Variants in NRIP1 observed in about 807,000 individuals in gnomAD.
The protein encoded by NRIP1 is nuclear receptor interacting protein 1.
NRIP1 carries 28 observed loss-of-function variants against 75.0 expected under a neutral mutation model. That is an observed-to-expected ratio of 0.37 (90% CI 0.28 to 0.51). NRIP1 has a LOEUF of 0.51. NRIP1 is among the 20% of genes least tolerant of loss of function. NRIP1 has a pLI of 0.92. For missense variants in NRIP1, 1,435 were observed against 1,343.7 expected (o/e 1.07, Z -1.06); for synonymous variants, 526 against 487.6 (o/e 1.08, Z -1.04).
rs543616249 is a variant in NRIP1 at position 15,016,872 on chromosome 21, G to A, written c.-457-2406C>T. Among the ~76,000 whole-genome samples, 11 of 151,328 alleles carry A rather than the reference G, an allele frequency of 7.3e-5. 1 individual carries two copies. The South Asian group carries it at 1.1e-3, about 14-fold the overall frequency. On this transcript the variant is annotated intron_variant, in intron 2 of 3. Coordinates refer to ENST00000318948, the MANE Select transcript of NRIP1 (RefSeq NM_003489.4). ...TGCACTCCAGCCTGGGCGACAGAGC[G>A]AGACTCCGTCAAAGAAAGAAAGAAG...
chr21:15,007,106 C>T (rs377201051), intron 3 of NRIP1, among the ~76,000 whole-genome samples: 6 of 152,272 alleles, frequency 3.9e-5, no homozygotes, highest in African/African-American at 1.4e-4. Flanking sequence ...GGAAATGCAA[C>T]TGGGACCAAG....
intron 1 of NRIP1, among the ~76,000 whole-genome samples, chr21:15,046,914 C>T (rs1009976267): frequency 6.6e-6 from 1 of 152,166 alleles, no homozygotes; most frequent in Admixed American, 6.5e-5. Flanking sequence ...CATCTCCTCT[C>T]GGCCTTTGTG....
Position 14,967,821 on chromosome 21 carries a change from A to C in NRIP1, c.372T>G (p.Pro124=). 2 of 1,614,038 alleles carry C rather than the reference A, an allele frequency of 1.2e-6. No individual in the cohort carries two copies. The highest frequency in any genetic ancestry group is 1.7e-6 in the Non-Finnish European group (2 of 1,180,004). Residue 124 remains proline, a synonymous_variant, in exon 4 of 4, where the codon CCT becomes CCG. Coordinates refer to ENST00000318948, the MANE Select transcript of NRIP1 (RefSeq NM_003489.4). ...ALLAGMVDSV[P]KGKQDSTLLA... The stretch of plus-strand genomic sequence containing the variant: ...GTAATGTGCTATCCTGTTTGCCTTT[A>C]GGCACACTGTCAACCATGCCAGCTA...
At chr21:14,995,821 C>T (rs2087706842) in intron 3 of NRIP1, among the ~76,000 whole-genome samples, 1 of 151,968 alleles carries the variant, frequency 6.6e-6, no homozygotes, top group Non-Finnish European at 1.5e-5. Context: ...TGGCCCTCCT[C>T]CAACACATTT....
In NRIP1 at chr21:14,964,267, G is replaced by GT. The variant is rs61601138; in HGVS notation, c.*448dup. 0.077 allele frequency: 11,661 copies of GT among 150,740 alleles called. 631 individuals are homozygous for GT. The highest frequency in any genetic ancestry group is 0.2 in the East Asian group (1,019 of 5,124). 9.3% of individuals were successfully genotyped at this position (150,740 alleles called of 1,614,324 possible). A position where few individuals can be genotyped will look rare whatever the true frequency, so the allele number is the denominator to read the frequency against. On this transcript the variant is annotated 3_prime_UTR_variant, in exon 4 of 4. Coordinates refer to ENST00000318948, the MANE Select transcript of NRIP1 (RefSeq NM_003489.4). ...ATAATAAGCTGTGAATCAGCACTAG[G>GT]TTTTTTTTTATTGGATAATTATCCT...
intron 2 of NRIP1, among the ~76,000 whole-genome samples, chr21:15,017,679 A>T (rs1199749032): frequency 6.6e-6 from 1 of 152,192 alleles, no homozygotes; most frequent in Non-Finnish European, 1.5e-5. Flanking sequence ...CAGGGCCTTG[A>T]CAGTTCTCTG....
intron 3 of NRIP1, among the ~76,000 whole-genome samples, chr21:15,008,175 A>G (rs1353669702): frequency 6.6e-6 from 1 of 152,156 alleles, no homozygotes; most frequent in East Asian, 1.9e-4. Context: ...ACAGAACAGG[A>G]GTCACCAGGG....
chr21:14,981,043 G>A lies in NRIP1; in HGVS notation c.-334-12517C>T, dbSNP rs576342056. Among the ~76,000 whole-genome samples the A allele has an allele frequency of 5.9e-5, 9 of 152,282 alleles. No individual in the cohort carries two copies. In the South Asian group the frequency reaches 1.9e-3, roughly 32 times the overall value. Reference sequence around the variant, plus strand: ...AAATATCACTACAGACACAATTCATGAGCACCCAGACATGGTGGTGATACC... The same window carrying A: ...AAATATCACTACAGACACAATTCATAAGCACCCAGACATGGTGGTGATACC... On this transcript the variant is annotated intron_variant, in intron 3 of 3. Transcript: ENST00000318948.
At chr21:14,994,069 C>T (rs1286424842) in intron 3 of NRIP1, among the ~76,000 whole-genome samples, 1 of 152,060 alleles carries the variant, frequency 6.6e-6, no homozygotes, top group Non-Finnish European at 1.5e-5. Context: ...CGTATTGATT[C>T]CTCTATCCTA....
intron 2 of NRIP1, among the ~76,000 whole-genome samples, chr21:15,036,965 C>T (rs1217265114): frequency 1.3e-5 from 2 of 152,172 alleles, no homozygotes; most frequent in South Asian, 2.1e-4. Context: ...TCACCAAAAG[C>T]GTTTGTACTT....
intron 3 of NRIP1, among the ~76,000 whole-genome samples, chr21:14,972,848 A>G (rs2086939697): frequency 6.6e-6 from 1 of 152,132 alleles, no homozygotes. Flanking sequence ...TCGCACTTCT[A>G]TGAGAATCTA....
chr21:14,985,688 T>C (rs2087379869), intron 3 of NRIP1, among the ~76,000 whole-genome samples: 1 of 152,196 alleles, frequency 6.6e-6, no homozygotes, highest in Admixed American at 6.6e-5. Flanking sequence ...ATTTGGTTTC[T>C]TTTAGTTGCT....
rs2228508 is a variant in NRIP1, at chr21:14,965,340, C to A, written c.2853G>T (p.Pro951=). 3 of 1,613,908 alleles carry A rather than the reference C, an allele frequency of 1.9e-6. No homozygotes were observed. Among genetic ancestry groups the A allele is most frequent in the East Asian group, 2.2e-5 (1 of 44,876 alleles). The change falls in exon 4 of 4, where the codon CCG becomes CCT. Residue 951 remains proline, a synonymous_variant. Transcript: ENST00000318948. Reference sequence around the variant, plus strand: ...TGTCAGCCACAGAGTTACTTCTGTGCGGGGACAAATCTCGCACACAGTTTT... The same window carrying A: ...TGTCAGCCACAGAGTTACTTCTGTGAGGGGACAAATCTCGCACACAGTTTT... ...LSENCVRDLS[P]HRSNSVADSK...
chr21:14,987,248 C>T (rs892533073), intron 3 of NRIP1, among the ~76,000 whole-genome samples: 1 of 152,198 alleles, frequency 6.6e-6, no homozygotes, highest in Admixed American at 6.6e-5. Flanking sequence ...TTTCATAGAG[C>T]CCCTGGGCTG....
rs536577032 is a variant in NRIP1 at position 15,038,781 on chromosome 21, GA to G, written c.-458+4713del. 6.8e-3 allele frequency among the ~76,000 whole-genome samples: 1,034 copies of G among 151,594 alleles called. 5 individuals carry two copies. Among genetic ancestry groups the G allele is most frequent in the Non-Finnish European group, 0.012 (804 of 67,764 alleles). On this transcript the variant is annotated intron_variant, in intron 2 of 3. Transcript: ENST00000318948. ...GAAAACCTATAAAGGCAAATTTTCA[GA>G]AATAAAAAAAAATGTGTATCTTCTC...
At position 14,967,343 on chromosome 21, in the gene NRIP1, C is replaced by T. The variant is rs747611544; in HGVS notation, c.850G>A (p.Ala284Thr). 28 of 1,613,960 alleles carry T rather than the reference C, an allele frequency of 1.7e-5. No individual in the cohort carries two copies. The highest frequency in any genetic ancestry group is 2.2e-5 in the East Asian group (1 of 44,874). ...TGATTTGCATTTTGCGTTTTTAAAG[C>T]GTGTTCTCGAGAATACTGCTGCAAA... is the stretch of plus-strand genomic sequence containing the variant. The part of the protein sequence containing the change: ...AHLQQYSREH[A>T]LKTQNANQAA... The change falls in exon 4 of 4, where the codon GCT (alanine) becomes ACT (threonine). Residue 284 changes from alanine to threonine, a missense_variant. Physicochemically the swap from Ala to Thr is moderately conservative, Grantham distance 58. Coordinates refer to ENST00000318948, the MANE Select transcript of NRIP1 (RefSeq NM_003489.4).
chr21:15,044,480 T>C (rs1164877427), intron 1 of NRIP1, among the ~76,000 whole-genome samples: 2 of 151,940 alleles, frequency 1.3e-5, no homozygotes, highest in Non-Finnish European at 2.9e-5. Context: ...CAATGGACAG[T>C]GAAGCTAGCG....
chr21:15,035,497 G>T (rs893017753), intron 2 of NRIP1, among the ~76,000 whole-genome samples: 1 of 150,788 alleles, frequency 6.6e-6, no homozygotes, highest in African/African-American at 2.4e-5. Flanking sequence ...CTAATAAAAG[G>T]TTTAAAACTA....
chr21:14,980,674 G>T (rs2147010440), intron 3 of NRIP1, among the ~76,000 whole-genome samples: 1 of 151,270 alleles, frequency 6.6e-6, no homozygotes, highest in Non-Finnish European at 1.5e-5. Flanking sequence ...GCATAAAGCT[G>T]TTGGGGTAAA....
Sources: allele counts gnomAD v4.1 joint callset (sites outside exome capture counted in the v4.1 genomes callset), GRCh38; gene constraint gnomAD v4.1.1; transcripts MANE v1.5; gene names NCBI Gene and HGNC (gene_info 2026-07-23, HGNC 2026-07-21).